TFDP2: variants seen among roughly 807,000 people sequenced by gnomAD.
TFDP2 encodes transcription factor Dp-2 (E2F dimerization partner 2).
A neutral mutation model predicts 59.3 loss-of-function variants in TFDP2; 17 were observed. The ratio of observed to expected loss-of-function variants is 0.29; its 90% CI spans 0.20 to 0.43. The LOEUF (loss-of-function observed/expected upper bound fraction) is 0.43, where lower values mean the gene tolerates loss of function less well. TFDP2 is among the 20% of genes least tolerant of loss of function. The probability of loss-of-function intolerance (pLI) is 1.00; values close to 1 mark genes in which losing one functional copy is unlikely to be tolerated. For missense variants in TFDP2, 391 were observed against 528.8 expected (o/e 0.74, Z 2.56); for synonymous variants, 180 against 194.7 (o/e 0.92, Z 0.63).
At position 141,951,009 on chromosome 3, in the gene TFDP2, C is replaced by T. The variant is rs1935882372; in HGVS notation, c.*1504G>A. 3 of 152,158 alleles carry T rather than the reference C, an allele frequency of 2.0e-5. No homozygotes were observed. Among genetic ancestry groups the T allele is most frequent in the Non-Finnish European group, 4.4e-5 (3 of 68,030 alleles). 9.4% of individuals were successfully genotyped at this position (152,158 alleles called of 1,614,324 possible). On this transcript the variant is annotated 3_prime_UTR_variant, in exon 13 of 13. Transcript: ENST00000489671. ...CTAGCCAAAGCTTCCTCCTCCTCAC[C>T]ATGCTCAGTGTTAGCATGGTGGTGA...
rs1006602265 is a variant in TFDP2, at chr3:142,130,908, C to T, written c.-93+18275G>A. On this transcript the variant is annotated intron_variant, in intron 1 of 12. Coordinates refer to ENST00000489671, the MANE Select transcript of TFDP2 (RefSeq NM_001178139.2). ...CTCTACTAAAAATACAAAAAATTAG[C>T]CAAATGTGGTGGTGGGCGCCTGTAA... 2.2e-4 allele frequency among the ~76,000 whole-genome samples: 33 copies of T among 150,386 alleles called. 1 individual carries two copies. Among genetic ancestry groups the T allele is most frequent in the African/African-American group, 8.2e-4 (33 of 40,086 alleles).
intron 9 of TFDP2, among the ~76,000 whole-genome samples, chr3:141,966,036 T>C (rs191874987): frequency 3.9e-5 from 6 of 152,112 alleles, no homozygotes; most frequent in Admixed American, 1.3e-4. Context: ...GACCCTGGTA[T>C]ATGGGGGAAT....
At chr3:142,020,452 T>C (rs1462891228) in intron 3 of TFDP2, among the ~76,000 whole-genome samples, 1 of 151,514 alleles carries the variant, frequency 6.6e-6, no homozygotes, top group African/African-American at 2.4e-5. Flanking sequence ...GGAGAATTGC[T>C]TGCACTCGGG....
intron 1 of TFDP2, among the ~76,000 whole-genome samples, chr3:142,115,599 T>C (rs1434103474): frequency 6.6e-6 from 1 of 152,232 alleles, no homozygotes; most frequent in Admixed American, 6.5e-5. Flanking sequence ...ATTACAGGCG[T>C]GAGCCACCGC....
At chr3:141,961,962 G>C (rs1286512896) in intron 10 of TFDP2, among the ~76,000 whole-genome samples, 1 of 151,684 alleles carries the variant, frequency 6.6e-6, no homozygotes, top group Admixed American at 6.6e-5. Context: ...CTCTTTTTTT[G>C]GGGGGGACGG....
chr3:142,106,553 G>A (rs1257883709), intron 1 of TFDP2, among the ~76,000 whole-genome samples: 1 of 152,198 alleles, frequency 6.6e-6, no homozygotes, highest in African/African-American at 2.4e-5. Context: ...AAAGGTTCAA[G>A]AAGTTGCCAT....
At chr3:142,101,714 A>T (rs1414021349) in intron 2 of TFDP2, 21 bp downstream of exon 2, 1 of 1,353,080 alleles carries the variant, frequency 7.4e-7, no homozygotes, top group Admixed American at 2.4e-5. Context: ...TACTTACATT[A>T]AAAAATTTAC....
intron 5 of TFDP2, chr3:141,994,754 A>G: frequency 3.9e-6 from 1 of 258,078 alleles, no homozygotes; most frequent in Middle Eastern, 1.2e-3. Flanking sequence ...GTTAAATATT[A>G]TAATAATAAA....
intron 4 of TFDP2, among the ~76,000 whole-genome samples, chr3:142,001,858 T>C (rs912006210): frequency 6.6e-6 from 1 of 152,242 alleles, no homozygotes; most frequent in South Asian, 2.1e-4. Context: ...GCCACTTTTT[T>C]GGTTGTTGTT....
At chr3:142,081,947 C>T (rs777231807) in intron 3 of TFDP2, among the ~76,000 whole-genome samples, 12 of 152,178 alleles carry the variant, frequency 7.9e-5, no homozygotes, top group Non-Finnish European at 1.8e-4. Context: ...CCAAAAAGTA[C>T]AGCAGGGGTC....
chr3:142,014,580 G>C (rs1944978587), intron 3 of TFDP2, among the ~76,000 whole-genome samples: 2 of 151,988 alleles, frequency 1.3e-5, no homozygotes, highest in Non-Finnish European at 2.9e-5. Context: ...ACTTGGGCGA[G>C]TTCATATTAA....
chr3:142,049,807 CAA>C (rs1158071327), intron 3 of TFDP2, among the ~76,000 whole-genome samples: 2 of 151,908 alleles, frequency 1.3e-5, no homozygotes, highest in African/African-American at 2.4e-5. Context: ...GCCAACAAAA[CAA>C]AATCAGATAT....
chr3:142,030,257 A>T (rs945972274), intron 3 of TFDP2, among the ~76,000 whole-genome samples: 1 of 152,240 alleles, frequency 6.6e-6, no homozygotes, highest in African/African-American at 2.4e-5. Flanking sequence ...CAAAACTGAA[A>T]ATACAACCTA....
rs79885044 is a variant in TFDP2, at chr3:142,069,061, G to A, written c.82+24000C>T. Among the ~76,000 whole-genome samples the A allele has an allele frequency of 7.9e-5, 12 of 151,462 alleles. No individual in the cohort carries two copies. In the East Asian group the frequency reaches 1.4e-3, roughly 17 times the overall value. Reference sequence around the variant, plus strand: ...CTCCTGAGTAGCTGGGATTACAGGCGCACACCACCATGCCTGGCTAATTTT... The same window carrying A: ...CTCCTGAGTAGCTGGGATTACAGGCACACACCACCATGCCTGGCTAATTTT... On this transcript the variant is annotated intron_variant, in intron 3 of 12. Transcript: ENST00000489671.
At chr3:142,010,465 T>C (rs560305987) in intron 3 of TFDP2, among the ~76,000 whole-genome samples, 104 of 152,054 alleles carry the variant, frequency 6.8e-4, no homozygotes, top group Non-Finnish European at 1.1e-3. Context: ...AAAAATCAGC[T>C]GGGCATGGTG....
At chr3:142,035,637 G>C (rs534240397) in intron 3 of TFDP2, among the ~76,000 whole-genome samples, 104 of 152,296 alleles carry the variant, frequency 6.8e-4, no homozygotes, top group African/African-American at 2.2e-3. Context: ...ATCTCATCTT[G>C]AATTCCCATG....
rs953046035 is a variant in TFDP2 at position 142,059,313 on chromosome 3, G to C, written c.82+33748C>G. Among the ~76,000 whole-genome samples the C allele has an allele frequency of 4.6e-5, 7 of 152,120 alleles. No individual in the cohort carries two copies. The East Asian group carries it at 1.4e-3, about 29-fold the overall frequency. The stretch of plus-strand genomic sequence containing the variant: ...CTGTATCAATGTTTCCTAACAAGTG[G>C]GTTGTTTCATAGTGAGGTCTAAAGA... On this transcript the variant is annotated intron_variant, in intron 3 of 12. Transcript: ENST00000489671.
intron 1 of TFDP2, among the ~76,000 whole-genome samples, chr3:142,111,622 G>A (rs149029400): frequency 3.9e-5 from 6 of 152,038 alleles, no homozygotes; most frequent in East Asian, 3.9e-4. Context: ...AAACAGCACC[G>A]GAAAGATCAA....
At chr3:142,043,744 T>A (rs1947154306) in intron 3 of TFDP2, 2 of 1,505,372 alleles carry the variant, frequency 1.3e-6, no homozygotes, top group Admixed American at 3.3e-5. Flanking sequence ...CTCAGCCTGG[T>A]CAGCCAGGAG....
Sources: gnomAD v4.1 joint callset for allele counts (sites outside exome capture counted in the v4.1 genomes callset) on GRCh38, gnomAD v4.1.1 for gene constraint, MANE v1.5 for transcripts, NCBI Gene and HGNC (gene_info 2026-07-23, HGNC 2026-07-21) for gene names.